Variants in UPP2 observed in about 807,000 individuals in gnomAD.
The protein encoded by UPP2 is UPase 2.
A neutral mutation model predicts 26.7 loss-of-function variants in UPP2; 23 were observed. The observed-to-expected ratio is 0.86, with a 90% CI of 0.62 to 1.22. The LOEUF is 1.22. Among genes scored for constraint, UPP2 ranks in the 50% most tolerant of loss-of-function variants. The pLI, the probability that UPP2 is intolerant of heterozygous loss-of-function variation, is 0.00. For missense variants in UPP2, 387 were observed against 396.7 expected, an observed-to-expected ratio of 0.98 and a Z score of 0.21; for synonymous variants, 127 against 141.3, an observed-to-expected ratio of 0.90 and a Z score of 0.72.
At chr2:158,031,618 C>T (rs974640304) in intron 3 of UPP2, among the ~76,000 whole-genome samples, 4 of 152,050 alleles carry the variant, frequency 2.6e-5, no homozygotes, top group African/African-American at 7.2e-5. Flanking sequence ...CAGCCAGTGT[C>T]GGTTTGGAAG....
At chr2:158,054,665 G>A (rs1682219207) in intron 3 of UPP2, among the ~76,000 whole-genome samples, 1 of 152,110 alleles carries the variant, frequency 6.6e-6, no homozygotes, top group Non-Finnish European at 1.5e-5. Flanking sequence ...CTTTTTCACT[G>A]CCTTTTCCAG....
Position 158,135,402 on chromosome 2 carries a change from T to C in UPP2, c.*512T>C, listed in dbSNP as rs149165158. ...GGAAAATATGGCCATACTGCTTTTT[T>C]ACCCCTGCACTATTTCAGTGCACCA... On this transcript the variant is annotated 3_prime_UTR_variant, in exon 7 of 7. Coordinates refer to ENST00000005756, the MANE Select transcript of UPP2 (RefSeq NM_173355.4). 694 of 152,526 alleles carry C rather than the reference T, an allele frequency of 4.6e-3. 4 individuals carry two copies. Among genetic ancestry groups the C allele is most frequent in the Non-Finnish European group, 7.5e-3 (510 of 68,134 alleles). The allele number at this position is 152,526 out of a possible 1,614,324, so 9.4% of individuals were successfully genotyped here.
intron 3 of UPP2, among the ~76,000 whole-genome samples, chr2:158,095,290 T>C (rs1002240100): frequency 6.6e-6 from 1 of 152,220 alleles, no homozygotes; most frequent in African/African-American, 2.4e-5. Flanking sequence ...GGGGCCATCT[T>C]GTTCATCAGC....
At position 158,121,464 on chromosome 2, in the gene UPP2, G is replaced by GC; in HGVS notation, c.514dup (p.Arg172ProfsTer3). 1.2e-6 allele frequency: 2 copies of GC among 1,613,472 alleles called. No individual in the cohort carries two copies. On this transcript the variant is annotated frameshift_variant, in exon 5 of 7. Coordinates refer to ENST00000005756, the MANE Select transcript of UPP2 (RefSeq NM_173355.4). LOFTEE classifies it high-confidence loss of function. The stretch of plus-strand genomic sequence containing the variant: ...ATATAGCTGTAGACTCCTTCTTTAA[G>GC]CCCCGGTTTGAACAGGTCATTTTGG...
In UPP2 at chr2:158,101,983, T is replaced by A. The variant is rs1206841458; in HGVS notation, c.-81T>A. 8.8e-6 allele frequency: 14 copies of A among 1,591,956 alleles called. No individual in the cohort carries two copies. The highest frequency in any genetic ancestry group is 2.7e-5 in the African/African-American group (2 of 73,518). ...TGACTGGGAACTGAACTATTATGAC[T>A]AGGTCTATAATTTAATAACAAGTCA... On this transcript the variant is annotated 5_prime_UTR_variant, in exon 1 of 7. Transcript: ENST00000005756.
chr2:158,063,920 A>G (rs1373995432), intron 3 of UPP2, among the ~76,000 whole-genome samples: 2 of 152,234 alleles, frequency 1.3e-5, no homozygotes, highest in African/African-American at 2.4e-5. Flanking sequence ...TGCAAAGGAC[A>G]TAAACTCATT....
chr2:158,089,170 G>A (rs1041094207), intron 3 of UPP2, among the ~76,000 whole-genome samples: 2 of 152,056 alleles, frequency 1.3e-5, no homozygotes, highest in Non-Finnish European at 2.9e-5. Context: ...CTGCTGGGGG[G>A]ATAGGGGTGT....
intron 3 of UPP2, among the ~76,000 whole-genome samples, chr2:158,059,415 C>A (rs1682314578): frequency 6.6e-6 from 1 of 152,194 alleles, no homozygotes; most frequent in African/African-American, 2.4e-5. Context: ...TCCATTCTGT[C>A]ATTGAACTGG....
At chr2:158,104,982 GAAGGGAA>G in intron 1 of UPP2, among the ~76,000 whole-genome samples, 1 of 44,264 alleles carries the variant, frequency 2.3e-5, no homozygotes, top group African/African-American at 1.5e-4. Flanking sequence ...GAAGGGAAGA[GAAGGGAA>G]GGGAAGGGAG....
intron 2 of UPP2, among the ~76,000 whole-genome samples, chr2:158,011,706 A>C (rs1342785214): frequency 6.6e-6 from 1 of 152,240 alleles, no homozygotes; most frequent in Non-Finnish European, 1.5e-5. Flanking sequence ...TGTTTAAAGA[A>C]GGAAGAGATG....
intron 6 of UPP2, among the ~76,000 whole-genome samples, chr2:158,132,707 G>A (rs1373182092): frequency 6.6e-6 from 1 of 151,972 alleles, no homozygotes; most frequent in East Asian, 1.9e-4. Flanking sequence ...TTAAGAAATG[G>A]GCAAAGGATC....
upstream of UPP2, among the ~76,000 whole-genome samples, chr2:158,100,101 G>A (rs148188568): frequency 1.0e-3 from 156 of 152,308 alleles, no homozygotes; most frequent in African/African-American, 3.4e-3. Flanking sequence ...GAGCAGGATC[G>A]AGTCTTGAGA....
intron 6 of UPP2, among the ~76,000 whole-genome samples, chr2:158,127,429 G>C (rs1182775094): frequency 6.6e-6 from 1 of 151,958 alleles, no homozygotes; most frequent in East Asian, 1.9e-4. Context: ...CTGCCATATG[G>C]GCTTTCAATA....
At chr2:158,003,630 C>T (rs548667254) in intron 2 of UPP2, among the ~76,000 whole-genome samples, 1 of 151,048 alleles carries the variant, frequency 6.6e-6, no homozygotes, top group East Asian at 2.0e-4. Flanking sequence ...ATCACTTGAA[C>T]TTGGGAGGCA....
intron 5 of UPP2, among the ~76,000 whole-genome samples, chr2:158,123,445 C>T (rs1165566968): frequency 6.6e-6 from 1 of 152,172 alleles, no homozygotes; most frequent in African/African-American, 2.4e-5. Context: ...TCACAGCAAC[C>T]CCCCGCTTCC....
At chr2:158,112,341 G>A (rs1683337173) in intron 2 of UPP2, among the ~76,000 whole-genome samples, 1 of 151,994 alleles carries the variant, frequency 6.6e-6, no homozygotes, top group Admixed American at 6.6e-5. Context: ...AGCATGCTAA[G>A]ACAATTTATT....
intron 3 of UPP2, among the ~76,000 whole-genome samples, chr2:158,074,931 A>T (rs1682607688): frequency 6.6e-6 from 1 of 151,986 alleles, no homozygotes; most frequent in Admixed American, 6.6e-5. Context: ...CTGGAAAAAG[A>T]CATTCGATGC....
intron 3 of UPP2, among the ~76,000 whole-genome samples, chr2:158,091,050 G>C (rs1558927487): frequency 6.6e-6 from 1 of 152,240 alleles, no homozygotes; most frequent in Non-Finnish European, 1.5e-5. Flanking sequence ...AGTCTCCAGT[G>C]AGAAACGGAA....
intron 3 of UPP2, among the ~76,000 whole-genome samples, chr2:158,040,693 T>C (rs376567954): frequency 6.6e-6 from 1 of 152,158 alleles, no homozygotes; most frequent in African/African-American, 2.4e-5. Flanking sequence ...TCAATGGAGG[T>C]TGCAACAGAA....
Sources: allele counts gnomAD v4.1 joint callset (sites outside exome capture counted in the v4.1 genomes callset), GRCh38; gene constraint gnomAD v4.1.1; transcripts MANE v1.5; gene names NCBI Gene and HGNC (gene_info 2026-07-23, HGNC 2026-07-21).